ABLIM3: variants seen among roughly 807,000 people sequenced by gnomAD.
The protein encoded by ABLIM3 is actin-binding LIM protein 3.
A neutral mutation model predicts 109.5 loss-of-function variants in ABLIM3; 61 were observed. The ratio of observed to expected loss-of-function variants is 0.56; its 90% CI spans 0.45 to 0.69. ABLIM3 has a LOEUF of 0.69. Among genes scored for constraint, ABLIM3 ranks in the 30% least tolerant of loss-of-function variants. ABLIM3 has a pLI of 0.00. For synonymous variants in ABLIM3, 300 were observed against 324.8 expected, an observed-to-expected ratio of 0.92 and a Z score of 0.82; for missense variants, 796 against 889.5, an observed-to-expected ratio of 0.89 and a Z score of 1.34.
intron 9 of ABLIM3, among the ~76,000 whole-genome samples, chr5:149,232,104 G>C (rs1457826048): frequency 6.6e-6 from 1 of 152,120 alleles, no homozygotes; most frequent in Non-Finnish European, 1.5e-5. Flanking sequence ...TCAGTAGTTC[G>C]AGACCAGGCT....
chr5:149,180,084 C>T (rs1756328305), intron 2 of ABLIM3, among the ~76,000 whole-genome samples: 1 of 152,230 alleles, frequency 6.6e-6, no homozygotes. Flanking sequence ...CAAGTGAGCA[C>T]AGCTAATGTC....
chr5:149,241,554 T>G (rs868758900), intron 14 of ABLIM3, among the ~76,000 whole-genome samples: 1 of 151,966 alleles, frequency 6.6e-6, no homozygotes, highest in Admixed American at 6.6e-5. Context: ...AGATCAGGAG[T>G]TCGAGACCAA....
chr5:149,257,315 T>A (rs1439094056), intron 23 of ABLIM3, among the ~76,000 whole-genome samples: 11 of 136,820 alleles, frequency 8.0e-5, no homozygotes, highest in Non-Finnish European at 1.3e-4. Flanking sequence ...AAAAAAAAAA[T>A]AGTTCACAGT....
rs1163635237 is a variant in ABLIM3, at chr5:149,217,012, G to A, written c.723G>A (p.Gln241=). ...GTGCCAGGTGTGTACGCTGCCACCA[G>A]ATGTTCACCGAAGGAGAGGAAATGT... ...PTCARCVRCH[Q]MFTEGEEMYL... The change falls in exon 8 of 24, where the codon CAG becomes CAA. Residue 241 remains glutamine (Q), a synonymous_variant. Coordinates refer to ENST00000309868, the MANE Select transcript of ABLIM3 (RefSeq NM_014945.5). 1.2e-6 allele frequency: 2 copies of A among 1,614,050 alleles called. No homozygotes were observed. The highest frequency in any genetic ancestry group is 1.7e-6 in the Non-Finnish European group (2 of 1,180,036).
At chr5:149,183,404 G>C in intron 2 of ABLIM3, 48 bp from the exon 3 acceptor site, 1 of 1,466,336 alleles carries the variant, frequency 6.8e-7, no homozygotes, top group Non-Finnish European at 9.0e-7. Flanking sequence ...AGCAGACTTT[G>C]TAAAGAATCA....
At chr5:149,189,181 C>A (rs898367134) in intron 3 of ABLIM3, among the ~76,000 whole-genome samples, 1 of 152,138 alleles carries the variant, frequency 6.6e-6, no homozygotes, top group African/African-American at 2.4e-5. Context: ...CACACTCTTT[C>A]TTTACACATA....
At chr5:149,159,537 C>T (rs4546368) in intron 2 of ABLIM3, among the ~76,000 whole-genome samples, 81,832 of 151,916 alleles carry the variant, frequency 0.54, 22,479 homozygotes, top group Admixed American at 0.67. Context: ...AACATATATG[C>T]GTGTATCCCC....
chr5:149,185,159 G>C lies in ABLIM3; in HGVS notation c.151+1570G>C, dbSNP rs76211759. ...AAAAACTTAATAGCTTAAACCAATC[G>C]TTTATTTAGTTCATGATTCTCTGGG... On this transcript the variant is annotated intron_variant, in intron 3 of 23. Coordinates refer to ENST00000309868, the MANE Select transcript of ABLIM3 (RefSeq NM_014945.5). 2.0e-3 allele frequency among the ~76,000 whole-genome samples: 301 copies of C among 152,210 alleles called. 13 individuals are homozygous for C. The East Asian group carries it at 0.053, about 27-fold the overall frequency.
intron 2 of ABLIM3, among the ~76,000 whole-genome samples, chr5:149,177,714 G>A (rs1364099435): frequency 6.6e-6 from 1 of 152,198 alleles, no homozygotes; most frequent in East Asian, 1.9e-4. Flanking sequence ...AAATGAATCT[G>A]AGAAATATTT....
At chr5:149,221,671 C>G (rs1315074250) in intron 8 of ABLIM3, among the ~76,000 whole-genome samples, 1 of 152,210 alleles carries the variant, frequency 6.6e-6, no homozygotes, top group Admixed American at 6.5e-5. Flanking sequence ...ATTTGGGCTT[C>G]ACCAGGAAAT....
At chr5:149,255,817 T>C (rs987897077) in intron 23 of ABLIM3, among the ~76,000 whole-genome samples, 1 of 152,140 alleles carries the variant, frequency 6.6e-6, no homozygotes, top group African/African-American at 2.4e-5. Context: ...ATGTAACAGG[T>C]GCATGAAAAG....
In ABLIM3 at chr5:149,212,013, T is replaced by C. The variant is rs1759604333; in HGVS notation, c.669+1194T>C. On this transcript the variant is annotated intron_variant, in intron 7 of 23. Coordinates refer to ENST00000309868, the MANE Select transcript of ABLIM3 (RefSeq NM_014945.5). Reference sequence around the variant, plus strand: ...TGCCAATGTGGCTGAATTCTATAAATTGAGGGTAGGGGAGGATGAAATATA... The same window carrying C: ...TGCCAATGTGGCTGAATTCTATAAACTGAGGGTAGGGGAGGATGAAATATA... Among the ~76,000 whole-genome samples the C allele has an allele frequency of 3.9e-5, 6 of 152,090 alleles. No homozygotes were observed. The South Asian group carries it at 6.2e-4, about 16-fold the overall frequency.
At chr5:149,156,976 T>C (rs1246169652) in intron 2 of ABLIM3, among the ~76,000 whole-genome samples, 2 of 152,278 alleles carry the variant, frequency 1.3e-5, no homozygotes, top group African/African-American at 4.8e-5. Flanking sequence ...TCTGAGATTC[T>C]AGTCCAAAAT....
intron 2 of ABLIM3, among the ~76,000 whole-genome samples, chr5:149,146,877 A>G (rs1321409173): frequency 6.6e-6 from 1 of 152,202 alleles, no homozygotes; most frequent in African/African-American, 2.4e-5. Flanking sequence ...TGATAGGAAT[A>G]GCATTGAATC....
chr5:149,165,511 A>G (rs977143740), intron 2 of ABLIM3, among the ~76,000 whole-genome samples: 1 of 152,252 alleles, frequency 6.6e-6, no homozygotes, highest in African/African-American at 2.4e-5. Context: ...CTCTTAGAGT[A>G]CAAGTAACCA....
chr5:149,145,922 A>G (rs1266402820), intron 2 of ABLIM3, among the ~76,000 whole-genome samples: 2 of 152,070 alleles, frequency 1.3e-5, no homozygotes, highest in East Asian at 3.9e-4. Context: ...AGTAGCTAGG[A>G]CCGCAGGTGG....
intron 3 of ABLIM3, among the ~76,000 whole-genome samples, chr5:149,195,623 GA>G (rs796516859): frequency 2.4e-4 from 35 of 147,536 alleles, no homozygotes; most frequent in African/African-American, 6.5e-4. Flanking sequence ...ACAAAGGAGA[GA>G]AAAAAAAAAG....
chr5:149,186,106 CTG>C (rs1756934291), intron 3 of ABLIM3, among the ~76,000 whole-genome samples: 1 of 152,178 alleles, frequency 6.6e-6, no homozygotes, highest in African/African-American at 2.4e-5. Flanking sequence ...GGAAACTTGC[CTG>C]TTCCAACTTT....
chr5:149,217,924 A>T (rs541327696), intron 8 of ABLIM3: 1 of 152,374 alleles, frequency 6.6e-6, no homozygotes, highest in South Asian at 2.1e-4. Context: ...CCAGCCCTAC[A>T]GTCCCCTGAA....
Sources: allele counts gnomAD v4.1 joint callset (sites outside exome capture counted in the v4.1 genomes callset), GRCh38; gene constraint gnomAD v4.1.1; transcripts MANE v1.5; gene names NCBI Gene and HGNC (gene_info 2026-07-23, HGNC 2026-07-21).